SERPINB4: variants seen among roughly 807,000 people sequenced by gnomAD.
SERPINB4 encodes serpin family B member 4.
A neutral mutation model predicts 33.2 loss-of-function variants in SERPINB4; 39 were observed. The ratio of observed to expected loss-of-function variants is 1.18; its 90% CI spans 0.91 to 1.53. SERPINB4 has a LOEUF of 1.53. Ranked by LOEUF, SERPINB4 falls within the 40% of genes most tolerant of loss-of-function variation. The pLI, the probability that SERPINB4 is intolerant of heterozygous loss-of-function variation, is 0.00. For missense variants in SERPINB4, 564 were observed against 455.4 expected (o/e 1.24, Z -2.17); for synonymous variants, 191 against 166.4 (o/e 1.15, Z -1.14).
In SERPINB4 at chr18:63,640,936, A is replaced by C. The variant is rs1453110199; in HGVS notation, c.407T>G (p.Phe136Cys). Residue 136 changes from phenylalanine (F) to cysteine (C), a missense_variant, in exon 5 of 8, where the codon TTT becomes TGT. Physicochemically the swap from Phe to Cys is radical, Grantham distance 205. Transcript: ENST00000341074. ...FYQTSVESTDFANAPEESRKK... is the reference protein window; with the variant it reads ...FYQTSVESTDCANAPEESRKK... ...TCGACTTTCTTCTGGAGCATTTGCAAAATCAGTAGATTCCACACTGGTCTG... is the reference window on the plus strand; with the variant it reads ...TCGACTTTCTTCTGGAGCATTTGCACAATCAGTAGATTCCACACTGGTCTG... The C allele has an allele frequency of 6.2e-7, 1 of 1,612,870 alleles. No individual in the cohort carries two copies. Among genetic ancestry groups the C allele is most frequent in the African/African-American group, 1.3e-5 (1 of 74,840 alleles).
chr18:63,643,774 T>G (rs1293354669), intron 1 of SERPINB4, among the ~76,000 whole-genome samples, 171 bp from the exon 2 acceptor site: 1 of 152,170 alleles, frequency 6.6e-6, no homozygotes, highest in African/African-American at 2.4e-5. Context: ...ATTAAATATA[T>G]TAATGTCCTA....
Position 63,638,141 on chromosome 18 carries a change from A to G in SERPINB4, c.769-18T>C. 1 of 1,606,030 alleles carries G rather than the reference A, an allele frequency of 6.2e-7. No individual in the cohort carries two copies. Among genetic ancestry groups the G allele is most frequent in the South Asian group, 1.1e-5 (1 of 90,028 alleles). Reference sequence around the variant, plus strand: ...TCTTCAAGCTATACAAATGGAAAAAAGAAACTGATATGACTAACTGTCGAT... The same window carrying G: ...TCTTCAAGCTATACAAATGGAAAAAGGAAACTGATATGACTAACTGTCGAT... On this transcript the variant is annotated intron_variant, in intron 7 of 7. Coordinates refer to ENST00000341074, the MANE Select transcript of SERPINB4 (RefSeq NM_002974.4).
Position 63,638,126 on chromosome 18 carries a change from A to G in SERPINB4, c.769-3T>C. On this transcript the variant is annotated splice_region_variant and splice_polypyrimidine_tract_variant and intron_variant, in intron 7 of 7. Transcript: ENST00000341074. ...TCAGCAGTGAGTTTCTCTTCAAGCT[A>G]TACAAATGGAAAAAAGAAACTGATA... 6.2e-7 allele frequency: 1 copy of G among 1,609,794 alleles called. No homozygotes were observed. The highest frequency in any genetic ancestry group is 8.5e-7 in the Non-Finnish European group (1 of 1,177,638).
At position 63,641,996 on chromosome 18, in the gene SERPINB4, A is replaced by G. The variant is rs568875695; in HGVS notation, c.223-108T>C. The G allele has an allele frequency of 1.7e-5, 25 of 1,479,464 alleles. No homozygotes were observed. The South Asian group carries it at 2.8e-4, about 17-fold the overall frequency. The allele number at this position is 1,479,464 out of a possible 1,614,324, so 91.6% of individuals were successfully genotyped here. The stretch of plus-strand genomic sequence containing the variant: ...CTAAATGCTGGTAGTCTCATTGAGG[A>G]CCTTTGATGTTATTCCCTGATAATT... On this transcript the variant is annotated intron_variant, in intron 3 of 7. Transcript: ENST00000341074.
rs776662515 is a variant in SERPINB4, at chr18:63,640,874, C to A, written c.469G>T (p.Glu157Ter). The part of the protein sequence containing the change: ...INSWVESQTN[E>*]KIKNLFPDGT... Reference sequence around the variant, plus strand: ...TTTCTATAATGGGTGGCTCTCCTACCATTCGTTTGACTTTCCACCCAGGAG... The same window carrying A: ...TTTCTATAATGGGTGGCTCTCCTACAATTCGTTTGACTTTCCACCCAGGAG... The change falls in exon 5 of 8, where the codon GAA becomes TAA. Residue 157 changes from glutamate (E) to a stop codon, truncating the protein, a stop_gained and splice_region_variant. Transcript: ENST00000341074. LOFTEE classifies it high-confidence loss of function. The A allele has an allele frequency of 6.2e-7, 1 of 1,611,274 alleles. No homozygotes were observed. The highest frequency in any genetic ancestry group is 1.1e-5 in the South Asian group (1 of 90,988).
At position 63,639,678 on chromosome 18, in the gene SERPINB4, A is replaced by G; in HGVS notation, c.568T>C (p.Phe190Leu). 6.2e-7 allele frequency: 1 copy of G among 1,611,288 alleles called. No individual in the cohort carries two copies. Among genetic ancestry groups the G allele is most frequent in the African/African-American group, 1.3e-5 (1 of 74,914 alleles). The change falls in exon 6 of 8, where the codon TTT (phenylalanine) becomes CTT (leucine). Residue 190 changes from phenylalanine (F) to leucine (L), a missense_variant. Physicochemically the swap from Phe to Leu is conservative, Grantham distance 22. Coordinates refer to ENST00000341074, the MANE Select transcript of SERPINB4 (RefSeq NM_002974.4). Reference protein sequence around the residue: ...IYFKGQWENKFKKENTKEEKF... With the variant: ...IYFKGQWENKLKKENTKEEKF... ...TCCTCTTTAGTGTTTTCTTTTTTAA[A>G]TTTATTCTCCCACTGCCCTTTGAAA...
intron 4 of SERPINB4, among the ~76,000 whole-genome samples, chr18:63,641,287 C>T (rs1011354200): frequency 2.6e-5 from 4 of 152,092 alleles, no homozygotes; most frequent in African/African-American, 9.7e-5. Context: ...CATTGCTTCT[C>T]AGACTTCTCT....
chr18:63,639,645 A>T lies in SERPINB4; in HGVS notation c.601T>A (p.Trp201Arg). ...AATATAGACAATACCTTGTTTGGCC[A>T]AAATTTTTCCTCTTTAGTGTTTTCT... ...KKENTKEEKF[W>R]PNKNTYKSVQ... The change falls in exon 6 of 8, where the codon TGG becomes AGG. Residue 201 changes from tryptophan (W) to arginine (R), a missense_variant. Physicochemically the swap from Trp to Arg is moderately radical, Grantham distance 101. Coordinates refer to ENST00000341074, the MANE Select transcript of SERPINB4 (RefSeq NM_002974.4). 6.2e-7 allele frequency: 1 copy of T among 1,602,338 alleles called. No homozygotes were observed. The highest frequency in any genetic ancestry group is 8.5e-7 in the Non-Finnish European group (1 of 1,170,628).
rs751382541 is a variant in SERPINB4, at chr18:63,643,403, T to A, written c.165+10A>T. 5.0e-6 allele frequency: 8 copies of A among 1,613,512 alleles called. No homozygotes were observed. In the African/African-American group the frequency reaches 8.0e-5, roughly 16 times the overall value. Reference sequence around the variant, plus strand: ...CTGCAACAGGACAACGTAATGATGCTGATAGCTACCTTGCTAATTTGTTGT... The same window carrying A: ...CTGCAACAGGACAACGTAATGATGCAGATAGCTACCTTGCTAATTTGTTGT... On this transcript the variant is annotated intron_variant, in intron 2 of 7. Coordinates refer to ENST00000341074, the MANE Select transcript of SERPINB4 (RefSeq NM_002974.4).
chr18:63,638,718 A>C (rs1568162552), intron 7 of SERPINB4, among the ~76,000 whole-genome samples: 1 of 150,106 alleles, frequency 6.7e-6, no homozygotes, highest in Non-Finnish European at 1.5e-5. Context: ...TTAATCATTA[A>C]CTAAGCCATA....
intron 1 of SERPINB4, among the ~76,000 whole-genome samples, chr18:63,643,995 C>A (rs1037334711): frequency 6.6e-6 from 1 of 151,718 alleles, no homozygotes. Context: ...AAGGCACTCT[C>A]CCTCTGTGTT....
Position 63,637,605 on chromosome 18 carries a change from C to T in SERPINB4, c.*114G>A. ...AATTCTTGATGATGACTATCATCAT[C>T]AAGATGAGATAGAAAAGAAATATGA... On this transcript the variant is annotated 3_prime_UTR_variant, in exon 8 of 8. Transcript: ENST00000341074. 5 of 1,090,894 alleles carry T rather than the reference C, an allele frequency of 4.6e-6. No individual in the cohort carries two copies. The South Asian group carries it at 7.0e-5, about 15-fold the overall frequency. 67.6% of individuals were successfully genotyped at this position (1,090,894 alleles called of 1,614,324 possible). A position where few individuals can be genotyped will look rare whatever the true frequency, so the allele number is the denominator to read the frequency against.
chr18:63,639,419 A>C (rs1266233703), intron 6 of SERPINB4, 79 bp from the exon 7 acceptor site: 1 of 1,357,788 alleles, frequency 7.4e-7, no homozygotes, highest in Non-Finnish European at 1.0e-6. Context: ...ATAGCAACAC[A>C]TCCTTCTTCT....
At position 63,643,156 on chromosome 18, in the gene SERPINB4, C is replaced by G. The variant is rs774849033; in HGVS notation, c.222+5G>C. 8 of 1,613,238 alleles carry G rather than the reference C, an allele frequency of 5.0e-6. No homozygotes were observed. The highest frequency in any genetic ancestry group is 6.8e-6 in the Non-Finnish European group (8 of 1,179,496). ...AAAGCTGAACCATAGTGCTCTGTGA[C>G]TCACATGATATGTTGCAGCTTTTTC... On this transcript the variant is annotated splice_donor_5th_base_variant and intron_variant, in intron 3 of 7. Coordinates refer to ENST00000341074, the MANE Select transcript of SERPINB4 (RefSeq NM_002974.4).
At chr18:63,641,702 A>T in intron 4 of SERPINB4, 58 bp downstream of exon 4, 1 of 1,612,022 alleles carries the variant, frequency 6.2e-7, no homozygotes, top group Non-Finnish European at 8.5e-7. Flanking sequence ...CCATTTGGCC[A>T]CTCAGAGACA....
intron 4 of SERPINB4, among the ~76,000 whole-genome samples, chr18:63,641,520 CTA>C (rs1913129939): frequency 6.6e-6 from 1 of 152,114 alleles, no homozygotes; most frequent in South Asian, 2.1e-4. Context: ...CTTACTCACT[CTA>C]TTACACAACC....
intron 4 of SERPINB4, among the ~76,000 whole-genome samples, chr18:63,641,415 A>G (rs186653658): frequency 6.6e-6 from 1 of 152,180 alleles, no homozygotes; most frequent in African/African-American, 2.4e-5. Flanking sequence ...TGCCCATTCC[A>G]ATAATATCCC....
At chr18:63,641,514 C>T (rs527381109) in intron 4 of SERPINB4, among the ~76,000 whole-genome samples, 88 of 152,192 alleles carry the variant, frequency 5.8e-4, no homozygotes, top group Non-Finnish European at 1.1e-3. Context: ...ATTACTCTTA[C>T]TCACTCTATT....
At chr18:63,640,140 A>AT (rs918658886) in intron 5 of SERPINB4, among the ~76,000 whole-genome samples, 255 of 150,362 alleles carry the variant, frequency 1.7e-3, no homozygotes, top group African/African-American at 6.0e-3. Flanking sequence ...TCCTACTTTT[A>AT]TTTTTTTTTA....
Sources: gnomAD v4.1 joint callset for allele counts (sites outside exome capture counted in the v4.1 genomes callset) on GRCh38, gnomAD v4.1.1 for gene constraint, MANE v1.5 for transcripts, NCBI Gene and HGNC (gene_info 2026-07-23, HGNC 2026-07-21) for gene names.